CSMD1: variants seen among roughly 807,000 people sequenced by gnomAD.
The protein encoded by CSMD1 is CUB and Sushi multiple domains 1.
CSMD1 carries 213 observed loss-of-function variants against 417.5 expected under a neutral mutation model. That is an observed-to-expected ratio of 0.51 (90% CI 0.46 to 0.57). The LOEUF (loss-of-function observed/expected upper bound fraction) is 0.57, where lower values mean the gene tolerates loss of function less well. CSMD1 is among the 20% of genes least tolerant of loss of function. CSMD1 has a pLI of 0.00. For synonymous variants in CSMD1, 2,862 were observed against 1,736.8 expected (o/e 1.65, Z -16.11); for missense variants, 6,923 against 4,529.7 (o/e 1.53, Z -15.17).
intron 3 of CSMD1, among the ~76,000 whole-genome samples, chr8:4,319,157 G>C (rs1293698262): frequency 6.6e-6 from 1 of 152,100 alleles, no homozygotes; most frequent in East Asian, 1.9e-4. Flanking sequence ...GAAAATACCT[G>C]AAAATTTAAA....
intron 3 of CSMD1, among the ~76,000 whole-genome samples, chr8:4,109,461 A>T (rs746046543): frequency 1.3e-5 from 2 of 152,206 alleles, no homozygotes; most frequent in Non-Finnish European, 2.9e-5. Flanking sequence ...CACACCACTA[A>T]ATATGTAACC....
At chr8:4,123,096 A>G (rs887670984) in intron 3 of CSMD1, among the ~76,000 whole-genome samples, 1 of 152,230 alleles carries the variant, frequency 6.6e-6, no homozygotes, top group Admixed American at 6.5e-5. Flanking sequence ...TGAGATTGGA[A>G]AACAGAAAAA....
chr8:3,441,492 CAT>C (rs377759438), intron 12 of CSMD1, among the ~76,000 whole-genome samples: 20 of 143,886 alleles, frequency 1.4e-4, no homozygotes, highest in Admixed American at 2.2e-4. Flanking sequence ...CATATAATTT[CAT>C]ATATATATAT....
intron 29 of CSMD1, among the ~76,000 whole-genome samples, chr8:3,215,307 C>T (rs1276373237): frequency 5.3e-5 from 8 of 152,306 alleles, no homozygotes; most frequent in East Asian, 1.9e-4. Flanking sequence ...GAAAAAAATA[C>T]ATTGACTGAT....
At chr8:4,988,552 T>G (rs2117467285) in intron 1 of CSMD1, among the ~76,000 whole-genome samples, 1 of 152,396 alleles carries the variant, frequency 6.6e-6, no homozygotes, top group Admixed American at 6.5e-5. Context: ...TAACTGAAGT[T>G]AATTTGTTGA....
intron 3 of CSMD1, among the ~76,000 whole-genome samples, chr8:4,347,581 C>T (rs895722132): frequency 6.6e-6 from 1 of 152,064 alleles, no homozygotes; most frequent in African/African-American, 2.4e-5. Context: ...TTAAAGTTCG[C>T]CAAAGAGAAT....
At chr8:3,108,789 CT>C (rs1816316547) in intron 43 of CSMD1, 41 bp from the exon 44 acceptor site, 2 of 1,561,630 alleles carry the variant, frequency 1.3e-6, no homozygotes, top group African/African-American at 2.8e-5. Flanking sequence ...AGGATATTTA[CT>C]TCTGAGTGAG....
chr8:3,767,828 G>T (rs552489054), intron 5 of CSMD1, among the ~76,000 whole-genome samples: 55 of 152,204 alleles, frequency 3.6e-4, no homozygotes, highest in Middle Eastern at 6.8e-3. Flanking sequence ...GCAGCCTTGC[G>T]GGTGGAAATG....
chr8:3,551,254 C>T (rs1008931620), intron 10 of CSMD1, among the ~76,000 whole-genome samples: 3 of 152,272 alleles, frequency 2.0e-5, no homozygotes, highest in South Asian at 4.1e-4. Flanking sequence ...GAAATATTAA[C>T]TAATATCTTG....
chr8:3,664,705 T>C (rs747666096), intron 7 of CSMD1, among the ~76,000 whole-genome samples: 7 of 152,238 alleles, frequency 4.6e-5, no homozygotes, highest in Non-Finnish European at 8.8e-5. Context: ...GCCCATCATC[T>C]TATCGGGATG....
chr8:4,337,053 G>A (rs1252333911), intron 3 of CSMD1, among the ~76,000 whole-genome samples: 2 of 152,168 alleles, frequency 1.3e-5, no homozygotes, highest in East Asian at 3.9e-4. Flanking sequence ...CCCACACATT[G>A]CATTCTGCAT....
At chr8:4,988,581 A>G (rs1811299842) in intron 1 of CSMD1, among the ~76,000 whole-genome samples, 1 of 152,222 alleles carries the variant, frequency 6.6e-6, no homozygotes, top group African/African-American at 2.4e-5. Context: ...TCCTTGGTGG[A>G]ATGTTTACAA....
At chr8:3,816,766 G>A (rs1034870816) in intron 5 of CSMD1, among the ~76,000 whole-genome samples, 4 of 152,076 alleles carry the variant, frequency 2.6e-5, no homozygotes, top group African/African-American at 9.7e-5. Context: ...CCTAATGTGT[G>A]TCAATAATTT....
intron 1 of CSMD1, among the ~76,000 whole-genome samples, chr8:4,842,960 C>A (rs1351487179): frequency 6.6e-6 from 1 of 152,180 alleles, no homozygotes; most frequent in African/African-American, 2.4e-5. Context: ...TCAGCAGATT[C>A]TCATTTCCTT....
intron 41 of CSMD1, among the ~76,000 whole-genome samples, chr8:3,133,226 T>G (rs1006040934): frequency 9.9e-5 from 15 of 152,116 alleles, no homozygotes; most frequent in South Asian, 4.1e-4. Context: ...TGGCTGCTGC[T>G]GTCCCAATGG....
rs578164933 is a variant in CSMD1, at chr8:2,978,930, A to C, written c.8378-130T>G. On this transcript the variant is annotated intron_variant, in intron 54 of 69. Transcript: ENST00000635120. ...ACTGACAACATGATGGCTGAGGCTC[A>C]TGAAATTCCACTCTCACGATGAATT... 1,774 of 762,532 alleles carry C rather than the reference A, an allele frequency of 2.3e-3. 11 individuals are homozygous for C. The highest frequency in any genetic ancestry group is 6.2e-3 in the South Asian group (272 of 43,702). 47.2% of individuals were successfully genotyped at this position (762,532 alleles called of 1,614,324 possible). A position where few individuals can be genotyped will look rare whatever the true frequency, so the allele number is the denominator to read the frequency against.
At chr8:3,478,259 C>A (rs563924498) in intron 11 of CSMD1, among the ~76,000 whole-genome samples, 3 of 152,264 alleles carry the variant, frequency 2.0e-5, no homozygotes, top group East Asian at 1.9e-4. Context: ...TGTTCACGTG[C>A]GGAACTGCGT....
At chr8:3,752,088 G>A (rs1441503516) in intron 6 of CSMD1, among the ~76,000 whole-genome samples, 1 of 151,982 alleles carries the variant, frequency 6.6e-6, no homozygotes. Context: ...GCCTGGGTGT[G>A]CACCCACCTC....
In CSMD1 at chr8:4,189,749, G is replaced by A. The variant is rs557047336; in HGVS notation, c.416-157650C>T. 2.4e-4 allele frequency among the ~76,000 whole-genome samples: 36 copies of A among 152,186 alleles called. 1 individual carries two copies. Among genetic ancestry groups the A allele is most frequent in the Admixed American group, 1.3e-4 (2 of 15,276 alleles). On this transcript the variant is annotated intron_variant, in intron 3 of 69. Transcript: ENST00000635120. ...TAATACTTTTGACATTAGAAATCTTGATAAATTATGAAGATTAAACAGGCA... is the reference window on the plus strand; with the variant it reads ...TAATACTTTTGACATTAGAAATCTTAATAAATTATGAAGATTAAACAGGCA...
Sources: allele counts gnomAD v4.1 joint callset (sites outside exome capture counted in the v4.1 genomes callset), GRCh38; gene constraint gnomAD v4.1.1; transcripts MANE v1.5; gene names NCBI Gene and HGNC (gene_info 2026-07-23, HGNC 2026-07-21).